The following DCLK1 variants were observed in gnomAD, a reference collection of about 807,000 sequenced individuals.
DCLK1 encodes doublecortin like kinase 1, also known as serine/threonine-protein kinase DCLK1.
Under a neutral mutation model 86.2 loss-of-function variants are expected in DCLK1, and 16 were observed. The observed-to-expected ratio is 0.19, with a 90% CI of 0.13 to 0.28. The LOEUF (loss-of-function observed/expected upper bound fraction) is 0.28, where lower values mean the gene tolerates loss of function less well. Among genes scored for constraint, DCLK1 ranks in the 10% least tolerant of loss-of-function variants. DCLK1 has a pLI of 1.00. For synonymous variants in DCLK1, 369 were observed against 370.5 expected (o/e 1.00, Z 0.05); for missense variants, 590 against 940.2 (o/e 0.63, Z 4.87).
chr13:36,100,609 T>C (rs2138160299), intron 3 of DCLK1, among the ~76,000 whole-genome samples: 1 of 152,302 alleles, frequency 6.6e-6, no homozygotes, highest in African/African-American at 2.4e-5. Flanking sequence ...TTTAGAGCTA[T>C]AACCTCAGAA....
intron 4 of DCLK1, among the ~76,000 whole-genome samples, chr13:35,920,284 A>T (rs1875720383): frequency 1.3e-5 from 2 of 152,180 alleles, no homozygotes; most frequent in Admixed American, 6.5e-5. Flanking sequence ...TTGCCTTGAC[A>T]CGTATGGAGC....
At chr13:36,086,452 CT>C (rs66864823) in intron 3 of DCLK1, among the ~76,000 whole-genome samples, 26,292 of 140,962 alleles carry the variant, frequency 0.19, 2,600 homozygotes, top group East Asian at 0.45. Flanking sequence ...TCCTCAACAG[CT>C]TTTTTTTTTT....
chr13:35,987,727 C>T (rs1880004733), intron 3 of DCLK1, among the ~76,000 whole-genome samples: 2 of 152,194 alleles, frequency 1.3e-5, no homozygotes, highest in Admixed American at 6.5e-5. Context: ...CTGAGTAACG[C>T]GGCCACAGTG....
In DCLK1 at chr13:36,080,359, T is replaced by C. The variant is rs758484051; in HGVS notation, c.723+31510A>G. On this transcript the variant is annotated intron_variant, in intron 3 of 16. Coordinates refer to ENST00000360631, the MANE Select transcript of DCLK1 (RefSeq NM_001330071.2). ...AGGAGAGAGAAAAGCAAGCTGGAAA[T>C]ACCTGTGAAATCAAAACATCAAAAT... 2.6e-5 allele frequency among the ~76,000 whole-genome samples: 4 copies of C among 152,156 alleles called. No individual in the cohort carries two copies. In the South Asian group the frequency reaches 8.3e-4, roughly 31 times the overall value.
intron 4 of DCLK1, among the ~76,000 whole-genome samples, chr13:35,914,122 A>G (rs1875220114): frequency 6.6e-6 from 1 of 151,546 alleles, no homozygotes. Flanking sequence ...GTTAGAGACC[A>G]CCCTGGGCAA....
At chr13:35,784,000 T>C (rs139851153) in intron 16 of DCLK1, among the ~76,000 whole-genome samples, 88 of 152,362 alleles carry the variant, frequency 5.8e-4, no homozygotes, top group African/African-American at 2.0e-3. Context: ...TTGATACTTA[T>C]AATTACGTTC....
intron 3 of DCLK1, among the ~76,000 whole-genome samples, chr13:36,065,445 T>A (rs143817173): frequency 6.6e-6 from 1 of 152,244 alleles, no homozygotes; most frequent in African/African-American, 2.4e-5. Context: ...AAGACTGATG[T>A]GGAGATCCAA....
intron 3 of DCLK1, among the ~76,000 whole-genome samples, chr13:36,049,964 T>C (rs1667470449): frequency 6.6e-6 from 1 of 152,176 alleles, no homozygotes; most frequent in Non-Finnish European, 1.5e-5. Context: ...TAATGACTGC[T>C]GATTTCCCTG....
chr13:36,065,111 G>A (rs978668095), intron 3 of DCLK1, among the ~76,000 whole-genome samples: 4 of 152,206 alleles, frequency 2.6e-5, no homozygotes, highest in African/African-American at 9.6e-5. Context: ...GGACTTCTCA[G>A]CTATCTGTGC....
chr13:35,962,399 C>T (rs988639712), intron 3 of DCLK1, among the ~76,000 whole-genome samples: 8 of 152,082 alleles, frequency 5.3e-5, no homozygotes, highest in Non-Finnish European at 7.4e-5. Flanking sequence ...CCGTAAGCCA[C>T]GGAACACCAA....
intron 3 of DCLK1, among the ~76,000 whole-genome samples, chr13:36,039,282 A>C (rs553226621): frequency 6.6e-6 from 1 of 152,198 alleles, no homozygotes; most frequent in East Asian, 1.9e-4. Flanking sequence ...ACTGCAACCC[A>C]TTGCCAGATC....
At chr13:36,038,328 A>C (rs7323560) in intron 3 of DCLK1, among the ~76,000 whole-genome samples, 7,165 of 152,252 alleles carry the variant, frequency 0.047, 172 homozygotes, top group Middle Eastern at 0.092. Flanking sequence ...TCGGTCTTCC[A>C]GAGTGCTTCC....
chr13:35,839,259 A>C, intron 6 of DCLK1, 83 bp from the exon 7 acceptor site: 21 of 1,271,066 alleles, frequency 1.7e-5, no homozygotes, highest in Non-Finnish European at 2.1e-5. Context: ...CCGGAATCTC[A>C]GGAGAAAACT....
chr13:35,916,111 T>C (rs1875392577), intron 4 of DCLK1, among the ~76,000 whole-genome samples: 1 of 152,220 alleles, frequency 6.6e-6, no homozygotes, highest in South Asian at 2.1e-4. Flanking sequence ...TTCAGGTCCC[T>C]GTTAGCATAG....
chr13:36,006,022 G>A (rs978414001), intron 3 of DCLK1, among the ~76,000 whole-genome samples: 4 of 152,132 alleles, frequency 2.6e-5, no homozygotes, highest in Non-Finnish European at 4.4e-5. Flanking sequence ...CTGGAGGGTC[G>A]GGGGAAAGAG....
chr13:35,918,994 C>T (rs1875618040), intron 4 of DCLK1, among the ~76,000 whole-genome samples: 1 of 145,706 alleles, frequency 6.9e-6, no homozygotes, highest in Admixed American at 7.2e-5. Flanking sequence ...CCTCTGCTTC[C>T]CAGTTCAAGC....
chr13:36,052,851 C>T (rs1193066733), intron 3 of DCLK1, among the ~76,000 whole-genome samples: 2 of 152,142 alleles, frequency 1.3e-5, no homozygotes, highest in Non-Finnish European at 2.9e-5. Flanking sequence ...AACCCCTAGA[C>T]AAACCACACT....
chr13:35,915,882 T>C (rs1190345790), intron 4 of DCLK1, among the ~76,000 whole-genome samples: 3 of 152,206 alleles, frequency 2.0e-5, no homozygotes, highest in Non-Finnish European at 4.4e-5. Flanking sequence ...AAATAAAAAG[T>C]GAGGCAGCTT....
intron 3 of DCLK1, among the ~76,000 whole-genome samples, chr13:36,040,830 C>A (rs2153155110): frequency 6.6e-6 from 1 of 152,224 alleles, no homozygotes; most frequent in African/African-American, 2.4e-5. Flanking sequence ...TAATCCAAGG[C>A]TACTTTATTG....
Sources: gnomAD v4.1 joint callset for allele counts (sites outside exome capture counted in the v4.1 genomes callset) on GRCh38, gnomAD v4.1.1 for gene constraint, MANE v1.5 for transcripts, NCBI Gene and HGNC (gene_info 2026-07-23, HGNC 2026-07-21) for gene names.